Variants in PLCG2 observed in about 807,000 individuals in gnomAD.
PLCG2 encodes the protein phospholipase C gamma 2.
In PLCG2, 69 loss-of-function variants were observed where a neutral mutation model predicts 175.6. That is an observed-to-expected ratio of 0.39 (90% CI 0.32 to 0.48). The LOEUF is 0.48. PLCG2 is among the 20% of genes least tolerant of loss of function. PLCG2 has a pLI of 0.91. For synonymous variants in PLCG2, 827 were observed against 624.0 expected (o/e 1.33, Z -4.85); for missense variants, 1,798 against 1,650.9 (o/e 1.09, Z -1.54).
chr16:81,840,631 T>G (rs1370370412), intron 2 of PLCG2, among the ~76,000 whole-genome samples: 1 of 152,144 alleles, frequency 6.6e-6, no homozygotes, highest in East Asian at 1.9e-4. Flanking sequence ...TCAATAAGGT[T>G]TGTGCTGCCA....
At chr16:81,780,858 C>G (rs923331358) in intron 1 of PLCG2, among the ~76,000 whole-genome samples, 2 of 152,176 alleles carry the variant, frequency 1.3e-5, no homozygotes, top group Non-Finnish European at 1.5e-5. Flanking sequence ...GAAACCCCAT[C>G]TCTACTAAAA....
intron 2 of PLCG2, among the ~76,000 whole-genome samples, chr16:81,805,547 C>T (rs972153804): frequency 2.7e-5 from 4 of 148,164 alleles, no homozygotes; most frequent in Non-Finnish European, 6.0e-5. Flanking sequence ...CAAAAAAAAC[C>T]AAAAACAAAA....
rs867616535 is a variant in PLCG2, at chr16:81,882,122, C to T, written c.693-1147C>T. 1.3e-5 allele frequency among the ~76,000 whole-genome samples: 2 copies of T among 152,170 alleles called. 1 individual carries two copies. Among genetic ancestry groups the T allele is most frequent in the African/African-American group, 4.8e-5 (2 of 41,438 alleles). Reference sequence around the variant, plus strand: ...ATCTCTTACACTATTTGAAATAGACCTCTTTTCCCCAGGCTCCTGCAAGTG... The same window carrying T: ...ATCTCTTACACTATTTGAAATAGACTTCTTTTCCCCAGGCTCCTGCAAGTG... On this transcript the variant is annotated intron_variant, in intron 8 of 32. Coordinates refer to ENST00000564138, the MANE Select transcript of PLCG2 (RefSeq NM_002661.5).
At chr16:81,836,540 A>T (rs1384489345) in intron 2 of PLCG2, among the ~76,000 whole-genome samples, 1 of 152,124 alleles carries the variant, frequency 6.6e-6, no homozygotes, top group East Asian at 1.9e-4. Context: ...GAGGAGTTTG[A>T]GACCAGCCTG....
At chr16:81,940,588 A>G (rs2143738983) in intron 30 of PLCG2, among the ~76,000 whole-genome samples, 1 of 152,356 alleles carries the variant, frequency 6.6e-6, no homozygotes. Context: ...TGAAGAAAAC[A>G]CAAGATCCCT....
intron 2 of PLCG2, among the ~76,000 whole-genome samples, chr16:81,756,413 G>A (rs1909928855): frequency 1.3e-5 from 2 of 152,194 alleles, no homozygotes; most frequent in South Asian, 4.1e-4. Context: ...ATCTTATACG[G>A]CAGCTATTAT....
chr16:81,812,129 A>C (rs1181564104), intron 2 of PLCG2, among the ~76,000 whole-genome samples: 3 of 142,524 alleles, frequency 2.1e-5, no homozygotes, highest in Non-Finnish European at 4.5e-5. Flanking sequence ...AGCTCACTGC[A>C]AGCTCCGCCT....
At chr16:81,812,520 CT>C (rs1243433092) in intron 2 of PLCG2, among the ~76,000 whole-genome samples, 1 of 152,192 alleles carries the variant, frequency 6.6e-6, no homozygotes, top group Non-Finnish European at 1.5e-5. Context: ...CCTTTGTCCA[CT>C]TTTTGATGGG....
intron 2 of PLCG2, among the ~76,000 whole-genome samples, chr16:81,791,494 G>T (rs958413564): frequency 1.3e-5 from 2 of 152,176 alleles, no homozygotes; most frequent in Non-Finnish European, 2.9e-5. Context: ...TCGCCTGGAA[G>T]GTTCCAGAAT....
chr16:81,945,421 C>T (rs1210236704), intron 30 of PLCG2, among the ~76,000 whole-genome samples: 1 of 152,250 alleles, frequency 6.6e-6, no homozygotes, highest in Non-Finnish European at 1.5e-5. Context: ...TATGCATAGG[C>T]AATCTTGGGA....
chr16:81,848,398 G>C (rs573270381), intron 2 of PLCG2, among the ~76,000 whole-genome samples: 143 of 152,294 alleles, frequency 9.4e-4, no homozygotes, highest in African/African-American at 3.3e-3. Context: ...CCTTTGGAAG[G>C]GGGTGTGCGG....
In PLCG2 at chr16:81,801,538, C is replaced by G. The variant is rs74029218; in HGVS notation, c.193+15356C>G. Among the ~76,000 whole-genome samples, 703 of 152,304 alleles carry G rather than the reference C, an allele frequency of 4.6e-3. 6 individuals carry two copies. The highest frequency in any genetic ancestry group is 0.034 in the Middle Eastern group (10 of 294). ...ATTGATCTGTCCTGTCAATGCTGGACATTTAGGTTGTTTCCAATCATGATA... is the reference window on the plus strand; with the variant it reads ...ATTGATCTGTCCTGTCAATGCTGGAGATTTAGGTTGTTTCCAATCATGATA... On this transcript the variant is annotated intron_variant, in intron 2 of 32. Coordinates refer to ENST00000564138, the MANE Select transcript of PLCG2 (RefSeq NM_002661.5).
chr16:81,778,670 T>C (rs4500720), upstream of PLCG2, among the ~76,000 whole-genome samples: 85,008 of 151,960 alleles, frequency 0.56, 24,175 homozygotes, highest in South Asian at 0.75. Flanking sequence ...ATGGGGAAAC[T>C]GAGGCTGTCG....
intron 1 of PLCG2, among the ~76,000 whole-genome samples, chr16:81,753,172 C>T (rs886456481): frequency 7.2e-5 from 11 of 152,076 alleles, no homozygotes; most frequent in Admixed American, 3.3e-4. Context: ...TGCCTCTCCC[C>T]GCCACCTCAG....
intron 32 of PLCG2, among the ~76,000 whole-genome samples, chr16:81,957,705 C>G (rs1911631306): frequency 6.6e-6 from 1 of 152,142 alleles, no homozygotes; most frequent in Non-Finnish European, 1.5e-5. Context: ...CTCCCTTACT[C>G]ACATTATTCT....
chr16:81,791,139 G>C (rs1352072472), intron 2 of PLCG2, among the ~76,000 whole-genome samples: 1 of 152,176 alleles, frequency 6.6e-6, no homozygotes, highest in Non-Finnish European at 1.5e-5. Context: ...TGGAGTCCCA[G>C]CTTGCAAGAG....
intron 2 of PLCG2, among the ~76,000 whole-genome samples, chr16:81,832,618 G>T (rs1905307302): frequency 6.6e-6 from 1 of 152,194 alleles, no homozygotes; most frequent in African/African-American, 2.4e-5. Context: ...TGCCCAGGCT[G>T]GTCTTAAACT....
At chr16:81,907,306 A>G (rs970951160) in intron 15 of PLCG2, among the ~76,000 whole-genome samples, 24 of 151,760 alleles carry the variant, frequency 1.6e-4, no homozygotes, top group African/African-American at 2.4e-4. Flanking sequence ...TCATCGGGGG[A>G]AAAAAAAAAG....
intron 2 of PLCG2, among the ~76,000 whole-genome samples, chr16:81,799,283 A>G (rs1295358040): frequency 6.6e-6 from 1 of 152,152 alleles, no homozygotes; most frequent in Non-Finnish European, 1.5e-5. Flanking sequence ...CACCTTCCAA[A>G]TCTTTTTGTC....
Sources: gnomAD v4.1 joint callset for allele counts (sites outside exome capture counted in the v4.1 genomes callset) on GRCh38, gnomAD v4.1.1 for gene constraint, MANE v1.5 for transcripts, NCBI Gene and HGNC (gene_info 2026-07-23, HGNC 2026-07-21) for gene names.